CNBD1: variants seen among roughly 807,000 people sequenced by gnomAD.
The protein encoded by CNBD1 is cyclic nucleotide binding domain containing 1.
Under a neutral mutation model 54.4 loss-of-function variants are expected in CNBD1, and 71 were observed. The ratio of observed to expected loss-of-function variants is 1.30; its 90% CI spans 1.08 to 1.59. CNBD1 has a LOEUF of 1.59. CNBD1 is among the 40% of genes most tolerant of loss of function. CNBD1 has a pLI of 0.00. For synonymous variants in CNBD1, 182 were observed against 170.7 expected, an observed-to-expected ratio of 1.07 and a Z score of -0.51; for missense variants, 659 against 518.0, an observed-to-expected ratio of 1.27 and a Z score of -2.64.
At position 87,324,135 on chromosome 8, in the gene CNBD1, G is replaced by C. The variant is rs1039704423; in HGVS notation, c.1043-27550G>C. Among the ~76,000 whole-genome samples, 13 of 124,290 alleles carry C rather than the reference G, an allele frequency of 1.0e-4. 1 individual carries two copies. The highest frequency in any genetic ancestry group is 2.0e-4 in the Non-Finnish European group (11 of 55,718). 81.5% of individuals were successfully genotyped at this position (124,290 alleles called of 152,430 possible). A position where few individuals can be genotyped will look rare whatever the true frequency, so the allele number is the denominator to read the frequency against. On this transcript the variant is annotated intron_variant, in intron 8 of 10. Coordinates refer to ENST00000518476, the MANE Select transcript of CNBD1 (RefSeq NM_173538.3). ...GATTTGCCTATATTGAACCAGCCTT[G>C]CATCCCAGGGATGAAGCCCACTTGA... is the stretch of plus-strand genomic sequence containing the variant.
At chr8:87,381,076 A>G (rs1811063134) in intron 10 of CNBD1, among the ~76,000 whole-genome samples, 1 of 152,124 alleles carries the variant, frequency 6.6e-6, no homozygotes, top group Non-Finnish European at 1.5e-5. Flanking sequence ...ACAGCAAAGG[A>G]ACCAATCACC....
intron 4 of CNBD1, among the ~76,000 whole-genome samples, chr8:87,153,760 A>G (rs1426768917): frequency 1.3e-5 from 2 of 152,202 alleles, no homozygotes; most frequent in South Asian, 2.1e-4. Context: ...CTGCACTTAC[A>G]TAGGATTGAA....
At chr8:87,393,814 T>C (rs988556901) in intron 2 of CNBD1, among the ~76,000 whole-genome samples, 1 of 151,766 alleles carries the variant, frequency 6.6e-6, no homozygotes. Flanking sequence ...ACAGAGCAGA[T>C]TTGGATACAT....
intron 4 of CNBD1, among the ~76,000 whole-genome samples, chr8:87,032,764 A>G (rs1809822781): frequency 6.6e-6 from 1 of 152,228 alleles, no homozygotes; most frequent in Non-Finnish European, 1.5e-5. Flanking sequence ...AATGTCATAA[A>G]AGAGTAAAAA....
intron 4 of CNBD1, among the ~76,000 whole-genome samples, chr8:87,040,035 G>T (rs891766817): frequency 4.0e-5 from 6 of 151,820 alleles, no homozygotes; most frequent in East Asian, 3.9e-4. Flanking sequence ...CTGATCTTTG[G>T]TTCCAAAATA....
At chr8:87,409,967 G>A (rs1807712443) in intron 2 of CNBD1, among the ~76,000 whole-genome samples, 1 of 151,892 alleles carries the variant, frequency 6.6e-6, no homozygotes, top group South Asian at 2.1e-4. Flanking sequence ...AGGTTGTAGT[G>A]AGCCGAGATA....
intron 4 of CNBD1, among the ~76,000 whole-genome samples, chr8:86,970,810 G>A (rs1272605660): frequency 6.6e-6 from 1 of 152,100 alleles, no homozygotes; most frequent in African/African-American, 2.4e-5. Flanking sequence ...TGGCTGTGTG[G>A]CATTTCATTG....
intron 2 of CNBD1, among the ~76,000 whole-genome samples, chr8:87,409,041 T>C (rs1807697109): frequency 6.6e-6 from 1 of 152,064 alleles, no homozygotes; most frequent in African/African-American, 2.4e-5. Flanking sequence ...AAAGGAAGGG[T>C]TGCATTTCTT....
chr8:87,392,478 A>C (rs1464126732), intron 2 of CNBD1, among the ~76,000 whole-genome samples: 1 of 152,060 alleles, frequency 6.6e-6, no homozygotes, highest in African/African-American at 2.4e-5. Context: ...AGCAATAAGA[A>C]GGAATGAAGT....
At chr8:87,009,855 A>G (rs1217558848) in intron 4 of CNBD1, among the ~76,000 whole-genome samples, 2 of 152,132 alleles carry the variant, frequency 1.3e-5, no homozygotes, top group Non-Finnish European at 2.9e-5. Flanking sequence ...GAATTCTAAG[A>G]TGCAATAATT....
chr8:87,196,439 T>C (rs1813724357), intron 4 of CNBD1, among the ~76,000 whole-genome samples: 1 of 152,106 alleles, frequency 6.6e-6, no homozygotes, highest in South Asian at 2.1e-4. Context: ...GTATTAGGGG[T>C]ATAGAAACCT....
At chr8:87,089,978 T>C (rs1161536375) in intron 4 of CNBD1, among the ~76,000 whole-genome samples, 1 of 152,112 alleles carries the variant, frequency 6.6e-6, no homozygotes, top group African/African-American at 2.4e-5. Context: ...TCTCCTATTT[T>C]ATTGTATTTC....
At chr8:87,388,463 C>G (rs62528164) in intron 2 of CNBD1, among the ~76,000 whole-genome samples, 8,321 of 152,124 alleles carry the variant, frequency 0.055, 262 homozygotes, top group African/African-American at 0.063. Flanking sequence ...TCAGAGAATA[C>G]TATAAACACC....
At chr8:87,417,431 A>G (rs762387678) in intron 2 of CNBD1, among the ~76,000 whole-genome samples, 31 of 152,048 alleles carry the variant, frequency 2.0e-4, no homozygotes, top group Non-Finnish European at 3.5e-4. Flanking sequence ...GACGATAAAA[A>G]GTACTGACAG....
At chr8:87,044,821 A>C (rs531188386) in intron 4 of CNBD1, among the ~76,000 whole-genome samples, 2 of 152,300 alleles carry the variant, frequency 1.3e-5, no homozygotes, top group South Asian at 4.1e-4. Context: ...TCACAAAAAG[A>C]ACAAAAGGCT....
At chr8:87,338,460 T>TTTG (rs556358906) in intron 8 of CNBD1, among the ~76,000 whole-genome samples, 47 of 152,090 alleles carry the variant, frequency 3.1e-4, no homozygotes, top group African/African-American at 7.2e-4. Context: ...GGTTGGTGAT[T>TTTG]TTGTTGTTGT....
At chr8:86,893,445 A>G (rs185540388) in intron 2 of CNBD1, among the ~76,000 whole-genome samples, 1 of 152,268 alleles carries the variant, frequency 6.6e-6, no homozygotes, top group East Asian at 1.9e-4. Flanking sequence ...TCCTTCTCCC[A>G]TCTTCCCTTC....
intron 8 of CNBD1, among the ~76,000 whole-genome samples, chr8:87,347,276 G>C (rs1213222940): frequency 6.6e-6 from 1 of 152,102 alleles, no homozygotes; most frequent in Non-Finnish European, 1.5e-5. Flanking sequence ...AAAAATCTAA[G>C]CCACCATATT....
At chr8:86,978,797 G>C (rs985123748) in intron 4 of CNBD1, among the ~76,000 whole-genome samples, 3 of 151,994 alleles carry the variant, frequency 2.0e-5, no homozygotes, top group African/African-American at 7.2e-5. Context: ...GCCTCCCAAA[G>C]TGCTGGGATT....
Sources: allele counts gnomAD v4.1 joint callset (sites outside exome capture counted in the v4.1 genomes callset), GRCh38; gene constraint gnomAD v4.1.1; transcripts MANE v1.5; gene names NCBI Gene and HGNC (gene_info 2026-07-23, HGNC 2026-07-21).